The following HERC1 variants were observed in gnomAD, a reference collection of about 807,000 sequenced individuals.
The protein encoded by HERC1 is HECT and RLD domain containing E3 ubiquitin protein ligase family member 1, also known as probable E3 ubiquitin-protein ligase HERC1.
HERC1 carries 160 observed loss-of-function variants against 554.3 expected under a neutral mutation model. The ratio of observed to expected loss-of-function variants is 0.29; its 90% confidence interval spans 0.25 to 0.33. The LOEUF (loss-of-function observed/expected upper bound fraction) is 0.33, where lower values mean the gene tolerates loss of function less well. Among genes scored for constraint, HERC1 ranks in the 10% least tolerant of loss-of-function variants. HERC1 has a pLI of 1.00. For missense variants in HERC1, 4,919 were observed against 5,918.5 expected (o/e 0.83, Z 5.54); for synonymous variants, 2,175 against 2,131.7 (o/e 1.02, Z -0.56).
chr15:63,642,849 T>C, intron 59 of HERC1, 108 bp downstream of exon 59: 1 of 695,308 alleles, frequency 1.4e-6, no homozygotes, highest in South Asian at 1.6e-5. Context: ...CAAGTAGTAA[T>C]CCCTCTGGAC....
intron 64 of HERC1, chr15:63,637,011 T>C (rs2068812314): frequency 7.4e-6 from 3 of 403,676 alleles, no homozygotes; most frequent in Non-Finnish European, 1.5e-5. Context: ...CGGTGCTCTC[T>C]TTGTAGGCTT....
intron 77 of HERC1, among the ~76,000 whole-genome samples, chr15:63,610,208 C>T (rs996690817): frequency 6.6e-6 from 1 of 152,090 alleles, no homozygotes; most frequent in Non-Finnish European, 1.5e-5. Context: ...GAGCCCACAC[C>T]TAGGTAAGCC....
At chr15:63,674,128 T>C (rs2152977104) in intron 38 of HERC1, among the ~76,000 whole-genome samples, 1 of 152,186 alleles carries the variant, frequency 6.6e-6, no homozygotes, top group South Asian at 2.1e-4. Context: ...AACACTGGTA[T>C]AGGTTTAAAA....
At chr15:63,726,616 A>C (rs2074050390) in intron 17 of HERC1, among the ~76,000 whole-genome samples, 1 of 152,198 alleles carries the variant, frequency 6.6e-6, no homozygotes, top group Non-Finnish European at 1.5e-5. Context: ...GGAAATATAT[A>C]TATTTCCAAA....
Position 63,678,301 on chromosome 15 carries a change from C to T in HERC1, c.6614G>A (p.Cys2205Tyr). The change falls in exon 37 of 78, where the codon TGT (cysteine) becomes TAT (tyrosine). Residue 2205 changes from cysteine to tyrosine, a missense_variant. Cys to Tyr is a radical substitution (Grantham distance 194). Around this residue, in one of 11 missense-constraint regions of HERC1, gnomAD observed 1,963 missense variants for 2,228.6 expected, o/e 0.88. Coordinates refer to ENST00000443617, the MANE Select transcript of HERC1 (RefSeq NM_003922.4). ...PRDLLPGDPI[C>Y]SPVAAVLAEA... ...AGCCAGCACTGCTGCTACTGGACTA[C>T]AAATAGGGTCTCCTGGAAGTAAGTC... The T allele has an allele frequency of 6.2e-7, 1 of 1,613,314 alleles. No homozygotes were observed. Among genetic ancestry groups the T allele is most frequent in the Non-Finnish European group, 8.5e-7 (1 of 1,179,640 alleles).
intron 1 of HERC1, among the ~76,000 whole-genome samples, chr15:63,831,177 G>C (rs1037719466): frequency 1.3e-5 from 2 of 152,158 alleles, no homozygotes; most frequent in African/African-American, 4.8e-5. Context: ...TGCAATCACA[G>C]CTCACTGCAG....
chr15:63,797,879 TACA>T (rs778152337), intron 1 of HERC1, among the ~76,000 whole-genome samples: 5 of 152,164 alleles, frequency 3.3e-5, no homozygotes, highest in South Asian at 4.1e-4. Flanking sequence ...AATTAAACAG[TACA>T]ACAAGATTAC....
At chr15:63,832,263 C>G (rs2078182210) in intron 1 of HERC1, among the ~76,000 whole-genome samples, 1 of 152,038 alleles carries the variant, frequency 6.6e-6, no homozygotes. Context: ...TGTATAGGTG[C>G]AGAATACGTG....
Position 63,755,217 on chromosome 15 carries a change from A to T in HERC1, c.1630+12T>A, listed in dbSNP as rs1442083260. 6.4e-7 allele frequency: 1 copy of T among 1,572,950 alleles called. No individual in the cohort carries two copies. Among genetic ancestry groups the T allele is most frequent in the African/African-American group, 1.3e-5 (1 of 74,084 alleles). The stretch of plus-strand genomic sequence containing the variant: ...TTCTAGAAGAATAACTTACATTTTT[A>T]AAAAATCTTACCTAATCTTCCAAAG... On this transcript the variant is annotated intron_variant, in intron 6 of 77. Transcript: ENST00000443617.
intron 34 of HERC1, among the ~76,000 whole-genome samples, chr15:63,686,004 T>C (rs942394509): frequency 2.0e-5 from 3 of 152,182 alleles, no homozygotes; most frequent in East Asian, 3.9e-4. Flanking sequence ...CCTATAAAAA[T>C]TGTGGGCACT....
At chr15:63,629,491 T>C (rs1371252698) in intron 69 of HERC1, among the ~76,000 whole-genome samples, 1 of 152,146 alleles carries the variant, frequency 6.6e-6, no homozygotes, top group African/African-American at 2.4e-5. Context: ...AATAAACATA[T>C]ACAAAAACAT....
intron 1 of HERC1, among the ~76,000 whole-genome samples, chr15:63,810,705 C>T (rs1036926236): frequency 5.9e-5 from 9 of 151,992 alleles, no homozygotes; most frequent in Non-Finnish European, 1.2e-4. Flanking sequence ...GTAGGAGAGA[C>T]AACTTTCACG....
Position 63,713,324 on chromosome 15 carries a change from T to A in HERC1, c.4463+29A>T. 2.5e-6 allele frequency: 4 copies of A among 1,572,336 alleles called. No homozygotes were observed. The South Asian group carries it at 4.5e-5, about 18-fold the overall frequency. ...AAAGTAATAAAGGGAAGTGAGTAGG[T>A]CATGTTTTCAGTGTCTAGTCAGTCC... is the stretch of plus-strand genomic sequence containing the variant. On this transcript the variant is annotated intron_variant, in intron 23 of 77. Transcript: ENST00000443617.
At chr15:63,825,698 C>T (rs2077873032) in intron 1 of HERC1, among the ~76,000 whole-genome samples, 1 of 152,002 alleles carries the variant, frequency 6.6e-6, no homozygotes, top group African/African-American at 2.4e-5. Context: ...CATTCACAAT[C>T]AGCACTCAGC....
At chr15:63,829,746 T>C (rs1181880863) in intron 1 of HERC1, among the ~76,000 whole-genome samples, 1 of 151,484 alleles carries the variant, frequency 6.6e-6, no homozygotes, top group Non-Finnish European at 1.5e-5. Context: ...ACTCCAGGAC[T>C]GGTGCAAGGA....
At chr15:63,693,247 C>CTT (rs112964926) in intron 30 of HERC1, among the ~76,000 whole-genome samples, 5 of 135,502 alleles carry the variant, frequency 3.7e-5, no homozygotes, top group East Asian at 2.0e-4. Flanking sequence ...TTTTCTTTTT[C>CTT]TTTTTTTTTT....
At chr15:63,817,841 T>C (rs1241141587) in intron 1 of HERC1, among the ~76,000 whole-genome samples, 1 of 152,124 alleles carries the variant, frequency 6.6e-6, no homozygotes, top group Non-Finnish European at 1.5e-5. Context: ...GGGAGCTCTT[T>C]ATACTATTCC....
At chr15:63,663,255 G>A (rs568612508) in intron 43 of HERC1, 51 bp from the exon 44 acceptor site, 10 of 1,508,310 alleles carry the variant, frequency 6.6e-6, no homozygotes, top group Non-Finnish European at 9.2e-6. Flanking sequence ...AAATAATTCT[G>A]AATATTTCGC....
intron 19 of HERC1, among the ~76,000 whole-genome samples, chr15:63,719,748 G>T (rs2073729098): frequency 6.6e-6 from 1 of 152,336 alleles, no homozygotes; most frequent in South Asian, 2.1e-4. Flanking sequence ...TGATAGATCA[G>T]ATCTGTGATG....
Sources: gnomAD v4.1 joint callset for allele counts (sites outside exome capture counted in the v4.1 genomes callset) on GRCh38, gnomAD v4.1.1 for gene constraint, gnomAD v4.1.1 regional missense constraint, MANE v1.5 for transcripts, NCBI Gene and HGNC (gene_info 2026-07-23, HGNC 2026-07-21) for gene names.